PTPRD: variants seen among roughly 807,000 people sequenced by gnomAD.
PTPRD encodes the protein receptor-type tyrosine-protein phosphatase delta.
Under a neutral mutation model 214.5 loss-of-function variants are expected in PTPRD, and 34 were observed. The ratio of observed to expected loss-of-function variants is 0.16; its 90% CI spans 0.12 to 0.21. PTPRD has a LOEUF of 0.21. Among genes scored for constraint, PTPRD ranks in the 10% least tolerant of loss-of-function variants. PTPRD has a pLI of 1.00. For synonymous variants in PTPRD, 1,128 were observed against 845.7 expected (o/e 1.33, Z -5.79); for missense variants, 2,545 against 2,398.7 (o/e 1.06, Z -1.27).
chr9:10,228,380 T>C (rs887576700), intron 3 of PTPRD, among the ~76,000 whole-genome samples: 1 of 152,052 alleles, frequency 6.6e-6, no homozygotes, highest in African/African-American at 2.4e-5. Flanking sequence ...GATATTTCTG[T>C]ATATTAAACA....
chr9:9,788,842 A>T (rs1425577588), intron 5 of PTPRD, among the ~76,000 whole-genome samples: 1 of 152,146 alleles, frequency 6.6e-6, no homozygotes, highest in African/African-American at 2.4e-5. Flanking sequence ...TGTTTAAACA[A>T]CTATCTAACT....
At chr9:9,910,942 G>C (rs915742987) in intron 5 of PTPRD, among the ~76,000 whole-genome samples, 1 of 151,724 alleles carries the variant, frequency 6.6e-6, no homozygotes, top group African/African-American at 2.4e-5. Context: ...ATTCCAGTGG[G>C]AATCATTTTC....
At chr9:10,596,498 G>C (rs1400702098) in intron 2 of PTPRD, among the ~76,000 whole-genome samples, 1 of 151,528 alleles carries the variant, frequency 6.6e-6, no homozygotes, top group Admixed American at 6.6e-5. Context: ...ATAACTAATT[G>C]TAAAGGCAGT....
chr9:9,720,659 A>T (rs969530974), intron 7 of PTPRD, among the ~76,000 whole-genome samples: 4 of 152,146 alleles, frequency 2.6e-5, no homozygotes, highest in African/African-American at 9.7e-5. Flanking sequence ...AGACAGTGCA[A>T]AAAATAAGAG....
At chr9:8,626,712 C>A (rs1375419111) in intron 14 of PTPRD, among the ~76,000 whole-genome samples, 1 of 151,670 alleles carries the variant, frequency 6.6e-6, no homozygotes, top group East Asian at 2.0e-4. Flanking sequence ...TACCTTCAAA[C>A]TGGGACATCA....
intron 12 of PTPRD, among the ~76,000 whole-genome samples, chr9:8,723,203 G>T (rs758319825): frequency 6.6e-6 from 1 of 151,884 alleles, no homozygotes; most frequent in Admixed American, 6.6e-5. Flanking sequence ...TTGCACTAAG[G>T]TCTTTACACT....
At chr9:9,314,157 T>C (rs1238650980) in intron 9 of PTPRD, among the ~76,000 whole-genome samples, 1 of 152,164 alleles carries the variant, frequency 6.6e-6, no homozygotes, top group Non-Finnish European at 1.5e-5. Context: ...TAAGATAGTC[T>C]GAATATGGTA....
intron 12 of PTPRD, among the ~76,000 whole-genome samples, chr9:8,639,360 C>G (rs1442517482): frequency 6.6e-6 from 1 of 152,074 alleles, no homozygotes; most frequent in Non-Finnish European, 1.5e-5. Flanking sequence ...CCTAGAAACA[C>G]AAAATAGATT....
chr9:10,538,728 T>C (rs962041584), intron 2 of PTPRD, among the ~76,000 whole-genome samples: 1 of 152,178 alleles, frequency 6.6e-6, no homozygotes, highest in African/African-American at 2.4e-5. Context: ...ATCTAAATCA[T>C]ATAAAGGACT....
rs185065903 is a variant in PTPRD, at chr9:9,558,064, G to A, written c.-237+16668C>T. Among the ~76,000 whole-genome samples, 210 of 152,248 alleles carry A rather than the reference G, an allele frequency of 1.4e-3. 3 individuals are homozygous for A. Among genetic ancestry groups the A allele is most frequent in the African/African-American group, 4.9e-3 (204 of 41,538 alleles). ...TAACTCTTTCTTTCTCTGAGCACGA[G>A]TAAGCTGAGCTGTGACCTGGCTCCC... On this transcript the variant is annotated intron_variant, in intron 8 of 45. Transcript: ENST00000381196.
chr9:10,427,299 C>T (rs1040223817), intron 2 of PTPRD, among the ~76,000 whole-genome samples: 5 of 151,990 alleles, frequency 3.3e-5, no homozygotes, highest in African/African-American at 7.2e-5. Context: ...TGTAAGCACA[C>T]CACTATGAAA....
intron 11 of PTPRD, among the ~76,000 whole-genome samples, chr9:8,762,699 T>A (rs932407407): frequency 6.6e-6 from 1 of 152,118 alleles, no homozygotes; most frequent in Non-Finnish European, 1.5e-5. Context: ...CTTCTGACCC[T>A]TGAAACTAAA....
At chr9:9,185,109 C>T (rs554258947) in intron 9 of PTPRD, among the ~76,000 whole-genome samples, 2 of 152,052 alleles carry the variant, frequency 1.3e-5, no homozygotes, top group African/African-American at 2.4e-5. Context: ...TTGCTGTAGT[C>T]GTGGTGATTT....
intron 5 of PTPRD, among the ~76,000 whole-genome samples, chr9:9,846,707 C>T (rs2059596004): frequency 6.6e-6 from 1 of 152,000 alleles, no homozygotes. Flanking sequence ...CTGCCAAACA[C>T]CAACTAAACC....
chr9:9,820,428 G>A (rs991827275), intron 5 of PTPRD, among the ~76,000 whole-genome samples: 3 of 152,018 alleles, frequency 2.0e-5, no homozygotes, highest in African/African-American at 4.8e-5. Flanking sequence ...CTCTCATTTT[G>A]TATGTTGTCT....
chr9:10,224,493 GT>G (rs985446823), intron 3 of PTPRD, among the ~76,000 whole-genome samples: 29 of 151,920 alleles, frequency 1.9e-4, no homozygotes, highest in African/African-American at 6.8e-4. Flanking sequence ...CTTTACAGTA[GT>G]GCTTATTTAA....
At chr9:10,423,388 G>T (rs190328065) in intron 2 of PTPRD, among the ~76,000 whole-genome samples, 3 of 151,798 alleles carry the variant, frequency 2.0e-5, no homozygotes, top group African/African-American at 4.8e-5. Context: ...AAACCAACAT[G>T]GCACATGTAT....
chr9:10,602,143 G>C (rs1176157181), intron 2 of PTPRD, among the ~76,000 whole-genome samples: 1 of 151,648 alleles, frequency 6.6e-6, no homozygotes, highest in Admixed American at 6.6e-5. Flanking sequence ...TTTTGTATAT[G>C]TGCTTTGCCA....
At chr9:10,602,639 G>C (rs943407005) in intron 2 of PTPRD, among the ~76,000 whole-genome samples, 1 of 151,806 alleles carries the variant, frequency 6.6e-6, no homozygotes, top group Non-Finnish European at 1.5e-5. Context: ...ATGTGACGCA[G>C]TGGTGTAAAT....
Sources: gnomAD v4.1 joint callset for allele counts (sites outside exome capture counted in the v4.1 genomes callset) on GRCh38, gnomAD v4.1.1 for gene constraint, MANE v1.5 for transcripts, NCBI Gene and HGNC (gene_info 2026-07-23, HGNC 2026-07-21) for gene names.